Variants in APP observed in about 807,000 individuals in gnomAD.
The protein encoded by APP is amyloid-beta precursor protein.
APP carries 31 observed loss-of-function variants against 101.4 expected under a neutral mutation model. The observed-to-expected ratio is 0.31, with a 90% CI of 0.23 to 0.41. APP has a LOEUF of 0.41. Ranked by LOEUF, APP falls within the 10% of genes least tolerant of loss-of-function variation. The pLI is 1.00. For missense variants in APP, 839 were observed against 1,003.7 expected (o/e 0.84, Z 2.22); for synonymous variants, 366 against 364.4 (o/e 1.00, Z -0.05).
chr21:26,009,438 T>C (rs1250061123), intron 6 of APP, among the ~76,000 whole-genome samples: 1 of 152,122 alleles, frequency 6.6e-6, no homozygotes, highest in Non-Finnish European at 1.5e-5. Context: ...ACTATTGAAA[T>C]ACCAGACTTC....
At chr21:26,063,883 A>G (rs2046363761) in intron 3 of APP, among the ~76,000 whole-genome samples, 1 of 152,244 alleles carries the variant, frequency 6.6e-6, no homozygotes, top group Non-Finnish European at 1.5e-5. Flanking sequence ...GAGAAACTCA[A>G]CAACCACCAC....
At chr21:26,017,775 T>C (rs1288409268) in intron 6 of APP, among the ~76,000 whole-genome samples, 2 of 152,224 alleles carry the variant, frequency 1.3e-5, no homozygotes, top group East Asian at 3.8e-4. Context: ...CAATCCCTTC[T>C]TGAAGAACAG....
In APP at chr21:26,115,254, T is replaced by C. The variant is rs558210114; in HGVS notation, c.58-3108A>G. Among the ~76,000 whole-genome samples, 5 of 152,326 alleles carry C rather than the reference T, an allele frequency of 3.3e-5. No homozygotes were observed. The East Asian group carries it at 5.8e-4, about 18-fold the overall frequency. On this transcript the variant is annotated intron_variant, in intron 1 of 17. Coordinates refer to ENST00000346798, the MANE Select transcript of APP (RefSeq NM_000484.4). ...GTTGTGTGTATAGATCTTCTTACAT[T>C]TGACATTACAAGAGGCCCTTCACAA...
chr21:26,114,365 A>G (rs1450607957), intron 1 of APP, among the ~76,000 whole-genome samples: 2 of 152,126 alleles, frequency 1.3e-5, no homozygotes, highest in Admixed American at 6.5e-5. Context: ...AAACTCCACA[A>G]TGTATCAGGG....
At chr21:25,981,606 T>C (rs2042430885) in intron 9 of APP, among the ~76,000 whole-genome samples, 1 of 152,170 alleles carries the variant, frequency 6.6e-6, no homozygotes, top group South Asian at 2.1e-4. Flanking sequence ...ATAGCTTCAA[T>C]TGTAGTTGAT....
intron 1 of APP, among the ~76,000 whole-genome samples, chr21:26,154,500 G>T (rs780313322): frequency 2.0e-5 from 3 of 152,138 alleles, no homozygotes; most frequent in African/African-American, 4.8e-5. Flanking sequence ...TTGAAGATAT[G>T]CCTGGTAACT....
chr21:25,977,833 G>A (rs2042279502), intron 9 of APP, among the ~76,000 whole-genome samples: 1 of 152,166 alleles, frequency 6.6e-6, no homozygotes, highest in South Asian at 2.1e-4. Context: ...GTTAATAAAG[G>A]GAACCTGTGG....
chr21:26,085,524 C>A (rs931970522), intron 3 of APP, among the ~76,000 whole-genome samples: 3 of 152,152 alleles, frequency 2.0e-5, no homozygotes, highest in Non-Finnish European at 4.4e-5. Flanking sequence ...GGATTACATA[C>A]GGGGATTTAC....
intron 11 of APP, among the ~76,000 whole-genome samples, chr21:25,969,949 A>AGG (rs1555831946): frequency 2.6e-5 from 1 of 38,324 alleles, no homozygotes; most frequent in African/African-American, 9.7e-5. Flanking sequence ...AAGGAAGGGA[A>AGG]GAAGGAAGGA....
intron 1 of APP, among the ~76,000 whole-genome samples, chr21:26,128,562 C>T (rs143693610): frequency 6.6e-6 from 1 of 152,200 alleles, no homozygotes; most frequent in East Asian, 1.9e-4. Flanking sequence ...TTAAGACATT[C>T]GTTTCGAAGT....
At chr21:26,120,774 T>A (rs1167471514) in intron 1 of APP, among the ~76,000 whole-genome samples, 2 of 152,204 alleles carry the variant, frequency 1.3e-5, no homozygotes, top group Non-Finnish European at 2.9e-5. Context: ...ATATTTCAAA[T>A]CTGAAAGCAA....
At chr21:25,921,406 C>A (rs1359567585) in intron 13 of APP, among the ~76,000 whole-genome samples, 1 of 143,914 alleles carries the variant, frequency 6.9e-6, no homozygotes, top group African/African-American at 2.6e-5. Flanking sequence ...AATAGAGACA[C>A]AAAAAACCCT....
At chr21:25,997,133 T>G in intron 8 of APP, 1 of 573,942 alleles carries the variant, frequency 1.7e-6, no homozygotes, top group Non-Finnish European at 3.1e-6. Flanking sequence ...AAAAGGAAAT[T>G]GGTCAGAAAT....
At chr21:26,029,695 C>T (rs1267207702) in intron 5 of APP, among the ~76,000 whole-genome samples, 1 of 152,126 alleles carries the variant, frequency 6.6e-6, no homozygotes, top group African/African-American at 2.4e-5. Context: ...TCAGCAGTGG[C>T]ACAGAGCAGG....
intron 8 of APP, among the ~76,000 whole-genome samples, chr21:25,990,445 G>GCAA (rs891514945): frequency 8.5e-6 from 1 of 118,112 alleles, no homozygotes; most frequent in Admixed American, 8.5e-5. Context: ...TGAAGCAATA[G>GCAA]CAATAACTGG....
intron 3 of APP, among the ~76,000 whole-genome samples, chr21:26,058,973 C>T (rs1407075823): frequency 4.6e-5 from 7 of 151,374 alleles, no homozygotes; most frequent in Admixed American, 2.6e-4. Flanking sequence ...CCCAGCTACT[C>T]GGGAGGCTGA....
chr21:25,955,477 GC>G, intron 12 of APP, 149 bp downstream of exon 12: 1 of 1,166,260 alleles, frequency 8.6e-7, no homozygotes. Flanking sequence ...TCTAAGACAA[GC>G]TTTTAGAATT....
chr21:25,971,292 C>A (rs1180416588), intron 11 of APP, among the ~76,000 whole-genome samples: 1 of 152,142 alleles, frequency 6.6e-6, no homozygotes, highest in East Asian at 1.9e-4. Context: ...GTGATCCGCC[C>A]GCCTTGGCCT....
At chr21:25,945,099 TA>T (rs1002612464) in intron 13 of APP, among the ~76,000 whole-genome samples, 5 of 152,134 alleles carry the variant, frequency 3.3e-5, no homozygotes, top group African/African-American at 1.2e-4. Flanking sequence ...AAGAATGGCA[TA>T]AAAACAGACA....
Sources: gnomAD v4.1 joint callset for allele counts (sites outside exome capture counted in the v4.1 genomes callset) on GRCh38, gnomAD v4.1.1 for gene constraint, MANE v1.5 for transcripts, NCBI Gene and HGNC (gene_info 2026-07-23, HGNC 2026-07-21) for gene names.